Variants in HEPH observed in about 807,000 individuals in gnomAD.
HEPH encodes the protein hephaestin.
Under a neutral mutation model 80.8 loss-of-function variants are expected in HEPH, and 69 were observed. The ratio of observed to expected loss-of-function variants is 0.85; its 90% CI spans 0.70 to 1.04. HEPH has a LOEUF of 1.04. Ranked by LOEUF, HEPH falls within the 50% of genes least tolerant of loss-of-function variation. HEPH has a pLI of 0.00. For synonymous variants in HEPH, 431 were observed against 322.8 expected, an observed-to-expected ratio of 1.34 and a Z score of -3.60; for missense variants, 1,115 against 891.3, an observed-to-expected ratio of 1.25 and a Z score of -3.20.
rs749970160 is a variant in HEPH, at chrX:66,216,341, C to T, written c.2563+8095C>T. Among the ~76,000 whole-genome samples, 18 of 111,857 alleles carry T rather than the reference C, an allele frequency of 1.6e-4. 1 individual carries two copies. In the South Asian group the frequency reaches 4.6e-3, roughly 28 times the overall value. On this transcript the variant is annotated intron_variant, in intron 15 of 20. Transcript: ENST00000343002. The stretch of plus-strand genomic sequence containing the variant: ...GACTCTTACATAGTCCACTTCACTC[C>T]CCTGCTACCTCCACTGGAGCAGGTG...
chrX:66,205,414 A>G (rs1364187543), intron 13 of HEPH, among the ~76,000 whole-genome samples: 1 of 111,765 alleles, frequency 8.9e-6, no homozygotes, highest in Non-Finnish European at 1.9e-5. Flanking sequence ...TGTTGCTGAA[A>G]AGGACATAAT....
intron 4 of HEPH, among the ~76,000 whole-genome samples, chrX:66,176,436 A>G (rs1350892926): frequency 9.0e-6 from 1 of 111,077 alleles, no homozygotes; most frequent in East Asian, 2.9e-4. Context: ...ATTAGCTTGT[A>G]TTTTGCTAAG....
In HEPH at chrX:66,235,436, C is replaced by A. The variant is rs1383567006; in HGVS notation, c.2564-19599C>A. Among the ~76,000 whole-genome samples, 4 of 111,062 alleles carry A rather than the reference C, an allele frequency of 3.6e-5. No homozygotes were observed. The South Asian group carries it at 1.5e-3, about 42-fold the overall frequency. On this transcript the variant is annotated intron_variant, in intron 15 of 20. Coordinates refer to ENST00000343002, the MANE Select transcript of HEPH (RefSeq NM_001367233.3). ...ATATGGCTAGTGAGTTATCCTAGCA[C>A]CATTTATTCAATTAGGGGATTGTTT... is the stretch of plus-strand genomic sequence containing the variant.
At chrX:66,237,758 A>C (rs185527640) in intron 15 of HEPH, among the ~76,000 whole-genome samples, 2 of 112,323 alleles carry the variant, frequency 1.8e-5, no homozygotes, top group East Asian at 5.6e-4. Flanking sequence ...GGAGTCTAAA[A>C]GTATCTTTGA....
intron 15 of HEPH, among the ~76,000 whole-genome samples, chrX:66,230,924 T>A (rs1266579192): frequency 1.5e-3 from 154 of 103,169 alleles, no homozygotes; most frequent in African/African-American, 5.2e-3. Flanking sequence ...AACGTTTAAA[T>A]CTTTAATCCA....
At chrX:66,250,698 C>T (rs764418291) in intron 15 of HEPH, among the ~76,000 whole-genome samples, 1 of 111,901 alleles carries the variant, frequency 8.9e-6, no homozygotes, top group South Asian at 3.7e-4. Flanking sequence ...ACCTTTTTCA[C>T]TCAGCGTAAT....
At chrX:66,235,073 G>GTT in intron 15 of HEPH, among the ~76,000 whole-genome samples, 1 of 111,147 alleles carries the variant, frequency 9.0e-6, no homozygotes, top group African/African-American at 3.3e-5. Flanking sequence ...ATTTGTTTAA[G>GTT]TTCCTTATAG....
chrX:66,260,288 TC>T, intron 19 of HEPH, 26 bp downstream of exon 19: 2 of 1,160,177 alleles, frequency 1.7e-6, no homozygotes, highest in Non-Finnish European at 2.3e-6. Context: ...CCCAAAATGA[TC>T]ATCTTCTAAC....
intron 15 of HEPH, among the ~76,000 whole-genome samples, chrX:66,239,803 G>A (rs1254689981): frequency 1.8e-5 from 2 of 111,953 alleles, no homozygotes; most frequent in African/African-American, 6.5e-5. Context: ...TACAAAATGA[G>A]TCATATATCT....
At position 66,236,683 on chromosome X, in the gene HEPH, G is replaced by A. The variant is rs537920742; in HGVS notation, c.2564-18352G>A. On this transcript the variant is annotated intron_variant, in intron 15 of 20. Transcript: ENST00000343002. ...CATTTTTTTGCAATAGGTTTAGTAGGAATGGTAGCAGATCTTTGTACACCT... is the reference window on the plus strand; with the variant it reads ...CATTTTTTTGCAATAGGTTTAGTAGAAATGGTAGCAGATCTTTGTACACCT... Among the ~76,000 whole-genome samples, 25 of 111,403 alleles carry A rather than the reference G, an allele frequency of 2.2e-4. No homozygotes were observed. In the South Asian group the frequency reaches 8.8e-3, roughly 39 times the overall value.
intron 15 of HEPH, among the ~76,000 whole-genome samples, chrX:66,232,856 G>A (rs986758457): frequency 2.7e-5 from 3 of 110,404 alleles, no homozygotes; most frequent in African/African-American, 9.9e-5. Flanking sequence ...TTATTACATA[G>A]AAAAATTATA....
At chrX:66,264,164 G>A (rs192769087) in intron 20 of HEPH, among the ~76,000 whole-genome samples, 1 of 108,762 alleles carries the variant, frequency 9.2e-6, no homozygotes, top group Non-Finnish European at 1.9e-5. Context: ...CACTACTTGG[G>A]TGATGGGTGC....
At chrX:66,175,126 A>G (rs1215007809) in intron 4 of HEPH, among the ~76,000 whole-genome samples, 1 of 112,220 alleles carries the variant, frequency 8.9e-6, no homozygotes, top group Non-Finnish European at 1.9e-5. Flanking sequence ...GTTTTCTTCT[A>G]GAATTTTTAT....
intron 13 of HEPH, among the ~76,000 whole-genome samples, chrX:66,206,337 A>ATTTTT (rs2088771364): frequency 4.4e-5 from 1 of 22,891 alleles, no homozygotes; most frequent in Non-Finnish European, 1.3e-4. Context: ...GAAACCTGCC[A>ATTTTT]TCTTTTTTTT....
chrX:66,211,491 A>C (rs1158930758), intron 15 of HEPH, among the ~76,000 whole-genome samples: 2 of 110,668 alleles, frequency 1.8e-5, no homozygotes, highest in African/African-American at 6.6e-5. Context: ...CCTTTCTTTC[A>C]CACTCACCAC....
At chrX:66,248,586 A>T (rs1488602024) in intron 15 of HEPH, among the ~76,000 whole-genome samples, 12 of 112,357 alleles carry the variant, frequency 1.1e-4, no homozygotes, top group Non-Finnish European at 2.3e-4. Flanking sequence ...AATAATGAAA[A>T]AACTTGTATG....
Position 66,200,622 on chromosome X carries a change from G to A in HEPH, c.1947G>A (p.Leu649=). The A allele has an allele frequency of 8.3e-7, 1 of 1,210,579 alleles. No individual in the cohort carries two copies. The highest frequency in any genetic ancestry group is 1.1e-6 in the Non-Finnish European group (1 of 894,656). The change falls in exon 12 of 21, where the codon CTG becomes CTA. Residue 649 remains leucine (L), a synonymous_variant. Coordinates refer to ENST00000343002, the MANE Select transcript of HEPH (RefSeq NM_001367233.3). ...CAGTGGCCTGGCACCTGCTCGGCCT[G>A]GGCACAGAGACTGATGTGCATGGAG... ...GDTVAWHLLG[L]GTETDVHGVM...
At chrX:66,228,750 A>T (rs750177882) in intron 15 of HEPH, among the ~76,000 whole-genome samples, 1 of 112,412 alleles carries the variant, frequency 8.9e-6, no homozygotes, top group African/African-American at 3.2e-5. Flanking sequence ...AAGATATACA[A>T]ATGGCCAAAA....
intron 15 of HEPH, among the ~76,000 whole-genome samples, chrX:66,229,932 C>A (rs1278777270): frequency 3.9e-5 from 3 of 76,564 alleles, no homozygotes; most frequent in Non-Finnish European, 4.9e-5. Flanking sequence ...CCCCTCCCCC[C>A]ACCCCACCAC....
Sources: gnomAD v4.1 joint callset for allele counts (sites outside exome capture counted in the v4.1 genomes callset) on GRCh38, gnomAD v4.1.1 for gene constraint, MANE v1.5 for transcripts, NCBI Gene and HGNC (gene_info 2026-07-23, HGNC 2026-07-21) for gene names.